SMS: variants seen among roughly 807,000 people sequenced by gnomAD.
SMS encodes spermine synthase.
A neutral mutation model predicts 33.0 loss-of-function variants in SMS; 3 were observed. The ratio of observed to expected loss-of-function variants is 0.09; its 90% CI spans 0.04 to 0.23. The LOEUF (loss-of-function observed/expected upper bound fraction) is 0.23. Ranked by LOEUF, SMS falls within the 10% of genes least tolerant of loss-of-function variation. The pLI, the probability that SMS is intolerant of heterozygous loss-of-function variation, is 1.00. For missense variants in SMS, 117 were observed against 288.6 expected (o/e 0.41, Z 4.31); for synonymous variants, 103 against 112.2 (o/e 0.92, Z 0.52).
Position 21,984,293 on chromosome X carries a change from C to G in SMS, c.751-11C>G, listed in dbSNP as rs1485571044. On this transcript the variant is annotated splice_polypyrimidine_tract_variant and intron_variant, in intron 7 of 10. Transcript: ENST00000404933. ...GTTGGCTCACTCATCTATTCCTGTT[C>G]TTTCTGGAAGGTTCTAATAGAAGAC... 1 of 1,018,544 alleles carries G rather than the reference C, an allele frequency of 9.8e-7. No homozygotes were observed. Among genetic ancestry groups the G allele is most frequent in the Admixed American group, 2.2e-5 (1 of 45,414 alleles). The allele number at this position is 1,018,544 out of a possible 1,213,427, so 83.9% of individuals were successfully genotyped here.
At chrX:21,942,221 C>G (rs1054177460) in intron 1 of SMS, among the ~76,000 whole-genome samples, 1 of 110,955 alleles carries the variant, frequency 9.0e-6, no homozygotes. Context: ...AACACTGTTC[C>G]TTTCTTTCTG....
At chrX:21,942,599 A>G (rs1328043927) in intron 1 of SMS, among the ~76,000 whole-genome samples, 3 of 111,428 alleles carry the variant, frequency 2.7e-5, no homozygotes, top group Non-Finnish European at 5.6e-5. Flanking sequence ...GGAGACTGCT[A>G]GAGATGAAAT....
chrX:21,945,430 ATAAT>A (rs931146144), intron 1 of SMS, among the ~76,000 whole-genome samples: 1 of 111,842 alleles, frequency 8.9e-6, no homozygotes, highest in African/African-American at 3.3e-5. Flanking sequence ...ACCTTGTTTA[ATAAT>A]TTAAGAACAG....
intron 10 of SMS, among the ~76,000 whole-genome samples, chrX:21,993,556 TC>T (rs1425002040): frequency 8.9e-6 from 1 of 111,993 alleles, no homozygotes; most frequent in Non-Finnish European, 1.9e-5. Context: ...TGAGGCCTGG[TC>T]CCATCAGGCT....
intron 4 of SMS, among the ~76,000 whole-genome samples, chrX:21,974,484 G>T (rs901988475): frequency 2.7e-5 from 3 of 111,461 alleles, no homozygotes; most frequent in Non-Finnish European, 5.6e-5. Context: ...ATCTTTTCCT[G>T]TTGGCAGGGT....
intron 1 of SMS, among the ~76,000 whole-genome samples, chrX:21,962,812 T>C (rs1923451269): frequency 9.0e-6 from 1 of 111,063 alleles, no homozygotes; most frequent in Non-Finnish European, 1.9e-5. Flanking sequence ...CATGCCACTA[T>C]GTCCGGCTAA....
chrX:21,974,773 A>G (rs746561974), intron 4 of SMS, among the ~76,000 whole-genome samples: 1 of 110,521 alleles, frequency 9.0e-6, no homozygotes, highest in Non-Finnish European at 1.9e-5. Flanking sequence ...TTTTCATGAA[A>G]TAAGGTTGAC....
At chrX:21,965,747 C>CAAAAT (rs71941598) in intron 1 of SMS, among the ~76,000 whole-genome samples, 28 of 104,886 alleles carry the variant, frequency 2.7e-4, no homozygotes, top group Admixed American at 5.2e-4. Flanking sequence ...GACTCTGTCT[C>CAAAAT]AAAATAAAAT....
chrX:21,976,349 A>G (rs1460714727), intron 4 of SMS, among the ~76,000 whole-genome samples: 1 of 110,977 alleles, frequency 9.0e-6, no homozygotes, highest in African/African-American at 3.3e-5. Flanking sequence ...CATGAATACC[A>G]CTTTAACCAA....
chrX:21,989,465 C>T (rs1298685961), intron 9 of SMS, among the ~76,000 whole-genome samples: 1 of 111,799 alleles, frequency 8.9e-6, no homozygotes, highest in Non-Finnish European at 1.9e-5. Flanking sequence ...CACTGAAACT[C>T]CCTCCACTTA....
intron 1 of SMS, among the ~76,000 whole-genome samples, chrX:21,952,865 C>G (rs888178338): frequency 1.8e-5 from 2 of 108,635 alleles, no homozygotes; most frequent in East Asian, 2.9e-4. Flanking sequence ...GCCTCACCCC[C>G]CTCCCCTCCC....
Position 21,977,941 on chromosome X carries a change from A to T in SMS, c.506-19A>T. ...GTGTTAAGGTAGACTCACCATTTGG[A>T]TCTGTTTCTCCTCCCTAGATTTGGC... On this transcript the variant is annotated intron_variant, in intron 5 of 10. Transcript: ENST00000404933. The T allele has an allele frequency of 8.3e-7, 1 of 1,207,923 alleles. No individual in the cohort carries two copies. Among genetic ancestry groups the T allele is most frequent in the South Asian group, 1.8e-5 (1 of 56,899 alleles).
intron 1 of SMS, among the ~76,000 whole-genome samples, chrX:21,952,413 G>T (rs1162918915): frequency 9.0e-5 from 7 of 77,375 alleles, no homozygotes; most frequent in African/African-American, 3.6e-4. Flanking sequence ...CACGTTGTTT[G>T]TTTGTTTGTT....
intron 1 of SMS, among the ~76,000 whole-genome samples, chrX:21,963,238 G>T (rs1923481039): frequency 9.0e-6 from 1 of 111,269 alleles, no homozygotes; most frequent in African/African-American, 3.3e-5. Context: ...CCAAGGGCTG[G>T]GTGACAGGGA....
At chrX:21,991,392 C>T (rs1030472883) in intron 9 of SMS, among the ~76,000 whole-genome samples, 2 of 110,664 alleles carry the variant, frequency 1.8e-5, no homozygotes, top group Non-Finnish European at 3.8e-5. Flanking sequence ...TTGGCCAGGC[C>T]GGTCTCAAAC....
chrX:21,987,280 A>G (rs1230099424), intron 9 of SMS, among the ~76,000 whole-genome samples: 1 of 111,834 alleles, frequency 8.9e-6, no homozygotes, highest in East Asian at 2.8e-4. Flanking sequence ...TACAGGCGCG[A>G]GCCACTGCGC....
chrX:21,994,407 C>G lies in SMS; in HGVS notation c.*56C>G. 1 of 1,191,045 alleles carries G rather than the reference C, an allele frequency of 8.4e-7. No homozygotes were observed. On this transcript the variant is annotated 3_prime_UTR_variant, in exon 11 of 11. Coordinates refer to ENST00000404933, the MANE Select transcript of SMS (RefSeq NM_004595.5). ...AAATAGCCTTCCTGACCTCCATATG[C>G]TGTACATGACATCAAAATGAGTCAG...
intron 2 of SMS, among the ~76,000 whole-genome samples, chrX:21,968,984 G>T (rs958726739): frequency 6.3e-5 from 7 of 111,345 alleles, no homozygotes; most frequent in Non-Finnish European, 1.3e-4. Flanking sequence ...CTTTTATTCT[G>T]TTACCTCAGT....
intron 1 of SMS, among the ~76,000 whole-genome samples, chrX:21,964,031 G>C (rs1362916954): frequency 9.2e-6 from 1 of 109,148 alleles, no homozygotes; most frequent in Non-Finnish European, 1.9e-5. Flanking sequence ...AACTGAACAA[G>C]GTTAGTTTAT....
Sources: gnomAD v4.1 joint callset for allele counts (sites outside exome capture counted in the v4.1 genomes callset) on GRCh38, gnomAD v4.1.1 for gene constraint, MANE v1.5 for transcripts, NCBI Gene and HGNC (gene_info 2026-07-23, HGNC 2026-07-21) for gene names.